The following LMTK2 variants were observed in gnomAD, a reference collection of about 807,000 sequenced individuals.
LMTK2 encodes serine/threonine-protein kinase LMTK2.
Under a neutral mutation model 127.5 loss-of-function variants are expected in LMTK2, and 37 were observed. The ratio of observed to expected loss-of-function variants is 0.29; its 90% confidence interval spans 0.22 to 0.38. LMTK2 has a LOEUF of 0.38. Ranked by LOEUF, LMTK2 falls within the 10% of genes least tolerant of loss-of-function variation. LMTK2 has a pLI of 1.00. For missense variants in LMTK2, 1,694 were observed against 1,920.3 expected (o/e 0.88, Z 2.20); for synonymous variants, 819 against 810.1 (o/e 1.01, Z -0.19).
rs1299254141 is a variant in LMTK2, at chr7:98,193,896, A to G, written c.3431A>G (p.Gln1144Arg). The change falls in exon 11 of 14, where the codon CAA (glutamine) becomes CGA (arginine). Residue 1144 changes from glutamine (Q) to arginine (R), a missense_variant. This residue lies in a region of LMTK2 where 554 missense variants were observed against 567.7 expected (regional missense o/e 0.98). Transcript: ENST00000297293. The surrounding 1 kb of genome is among the most constrained non-coding windows in gnomAD (Gnocchi z 4.1). ...QPLPEPVLPE[Q>R]SPAAQDSCLE... Reference sequence around the variant, plus strand: ...CTACCCGAGCCAGTCCTCCCCGAGCAAAGTCCTGCTGCCCAGGATAGCTGC... The same window carrying G: ...CTACCCGAGCCAGTCCTCCCCGAGCGAAGTCCTGCTGCCCAGGATAGCTGC... 10 of 1,613,986 alleles carry G rather than the reference A, an allele frequency of 6.2e-6. No homozygotes were observed. The highest frequency in any genetic ancestry group is 8.5e-6 in the Non-Finnish European group (10 of 1,180,042).
At chr7:98,119,429 C>G (rs1161917528) in intron 1 of LMTK2, among the ~76,000 whole-genome samples, 1 of 152,184 alleles carries the variant, frequency 6.6e-6, no homozygotes, top group African/African-American at 2.4e-5. Context: ...AAATATCTCC[C>G]TGTGAGTACA....
At chr7:98,148,421 A>G (rs1188862981) in intron 3 of LMTK2, among the ~76,000 whole-genome samples, 1 of 151,674 alleles carries the variant, frequency 6.6e-6, no homozygotes, top group Non-Finnish European at 1.5e-5. Context: ...TGAGCCTGGC[A>G]GGCAGAGGTT....
chr7:98,139,455 T>G (rs1796646052), intron 2 of LMTK2, among the ~76,000 whole-genome samples: 1 of 152,186 alleles, frequency 6.6e-6, no homozygotes, highest in Non-Finnish European at 1.5e-5. Context: ...GTCTGAATCT[T>G]TAGAATCATC....
intron 7 of LMTK2, among the ~76,000 whole-genome samples, chr7:98,173,087 T>C (rs574725821): frequency 6.6e-6 from 1 of 152,300 alleles, no homozygotes; most frequent in African/African-American, 2.4e-5. Context: ...AAAAGCAGAT[T>C]TCACAGTAAT....
intron 10 of LMTK2, 134 bp from the exon 11 acceptor site, chr7:98,191,480 A>C: frequency 3.0e-6 from 2 of 662,114 alleles, no homozygotes; most frequent in Non-Finnish European, 4.9e-6. Flanking sequence ...TGAACCCAGG[A>C]GGCAGAGGTT....
chr7:98,172,973 G>T (rs927003729), intron 7 of LMTK2, among the ~76,000 whole-genome samples: 3 of 152,142 alleles, frequency 2.0e-5, no homozygotes, highest in African/African-American at 7.2e-5. Flanking sequence ...GGCCAGGCTG[G>T]TCTCAAACTT....
intron 4 of LMTK2, among the ~76,000 whole-genome samples, chr7:98,154,520 A>G (rs574087874): frequency 2.6e-4 from 39 of 152,342 alleles, no homozygotes; most frequent in Non-Finnish European, 4.3e-4. Flanking sequence ...ATAAATAGAA[A>G]AGAAATATGC....
At chr7:98,187,848 C>T (rs944700066) in intron 9 of LMTK2, among the ~76,000 whole-genome samples, 13 of 152,102 alleles carry the variant, frequency 8.5e-5, no homozygotes, top group Admixed American at 6.5e-4. Context: ...CCGCCTGCCT[C>T]GTCCTCCCAA....
chr7:98,201,599 GTGTTTTGTTT>G (rs56186084), intron 11 of LMTK2, among the ~76,000 whole-genome samples: 33 of 149,806 alleles, frequency 2.2e-4, no homozygotes, highest in African/African-American at 5.6e-4. Context: ...CTTCGTGTGT[GTGTTTTGTTT>G]TGTTTTGTTT....
At chr7:98,191,015 T>A in intron 10 of LMTK2, 138 bp downstream of exon 10, 1 of 822,854 alleles carries the variant, frequency 1.2e-6, no homozygotes, top group Non-Finnish European at 2.0e-6. Context: ...CTGAACTACT[T>A]AATGTGGTTG....
chr7:98,123,263 T>G (rs1355918279), intron 1 of LMTK2, among the ~76,000 whole-genome samples: 1 of 152,232 alleles, frequency 6.6e-6, no homozygotes, highest in African/African-American at 2.4e-5. Context: ...GCATTCACCC[T>G]TTTTCTCAAC....
chr7:98,112,609 C>G (rs1796218389), intron 1 of LMTK2, among the ~76,000 whole-genome samples: 1 of 152,144 alleles, frequency 6.6e-6, no homozygotes, highest in African/African-American at 2.4e-5. Context: ...TTCTGTGGGA[C>G]AGGGCTGGTG....
chr7:98,112,639 A>G (rs1020568508), intron 1 of LMTK2, among the ~76,000 whole-genome samples: 2 of 152,216 alleles, frequency 1.3e-5, no homozygotes, highest in Non-Finnish European at 2.9e-5. Context: ...TACAGTGCCC[A>G]GTCCTTGGTT....
chr7:98,110,421 T>C (rs1001832256), intron 1 of LMTK2, among the ~76,000 whole-genome samples: 1 of 152,096 alleles, frequency 6.6e-6, no homozygotes, highest in African/African-American at 2.4e-5. Flanking sequence ...CCTGAGAATC[T>C]GTGTTTCTGT....
At chr7:98,159,540 A>T in intron 6 of LMTK2, 115 bp downstream of exon 6, 1 of 719,292 alleles carries the variant, frequency 1.4e-6, no homozygotes, top group Non-Finnish European at 2.5e-6. Flanking sequence ...CCACTTGAAG[A>T]ACTTTATGAT....
chr7:98,135,617 G>T (rs1562900946), intron 1 of LMTK2, among the ~76,000 whole-genome samples: 3 of 152,144 alleles, frequency 2.0e-5, no homozygotes, highest in Non-Finnish European at 4.4e-5. Context: ...CACTGTGCCT[G>T]CCATAGATGA....
At chr7:98,186,133 G>A (rs1342493375) in intron 8 of LMTK2, among the ~76,000 whole-genome samples, 6 of 150,268 alleles carry the variant, frequency 4.0e-5, no homozygotes, top group African/African-American at 2.5e-5. Context: ...GCGCGATCTC[G>A]GCTCACTGCA....
rs148655252 is a variant in LMTK2, at chr7:98,171,645, C to T, written c.762C>T (p.Ala254=). 4.2e-5 allele frequency: 68 copies of T among 1,600,620 alleles called. No individual in the cohort carries two copies. The highest frequency in any genetic ancestry group is 3.2e-4 in the African/African-American group (24 of 74,828). Residue 254 remains alanine, a synonymous_variant, in exon 7 of 14, where the codon GCC becomes GCT. Coordinates refer to ENST00000297293, the MANE Select transcript of LMTK2 (RefSeq NM_014916.4). This position sits in a 1 kb window ranked among gnomAD's most constrained non-coding sequence, Gnocchi z 5.1. The stretch of plus-strand genomic sequence containing the variant: ...CGTGCGAGGTCGCCGCGGGGCTGGC[C>T]GCCATGCACAAGCTGCACTTCCTGC... ...RMACEVAAGL[A]AMHKLHFLHS... is the part of the protein sequence containing the mutation.
intron 1 of LMTK2, among the ~76,000 whole-genome samples, chr7:98,125,430 CTTCTTTA>C (rs2116338264): frequency 2.6e-5 from 4 of 152,044 alleles, no homozygotes; most frequent in African/African-American, 9.6e-5. Context: ...GTTTTTTTCA[CTTCTTTA>C]TTCTCAGAAC....
Sources: allele counts gnomAD v4.1 joint callset (sites outside exome capture counted in the v4.1 genomes callset), GRCh38; gene constraint gnomAD v4.1.1; regional missense constraint gnomAD v4.1.1; non-coding constraint Gnocchi (gnomAD v3.1); transcripts MANE v1.5; gene names NCBI Gene and HGNC (gene_info 2026-07-23, HGNC 2026-07-21).